The following DNAH12 variants were observed in gnomAD, a reference collection of about 807,000 sequenced individuals.
DNAH12 encodes dynein axonemal heavy chain 12.
Under a neutral mutation model 371.5 loss-of-function variants are expected in DNAH12, and 285 were observed. The observed-to-expected ratio is 0.77, with a 90% CI of 0.70 to 0.85. The LOEUF is 0.85. Ranked by LOEUF, DNAH12 falls within the 40% of genes least tolerant of loss-of-function variation. DNAH12 has a pLI of 0.00. For synonymous variants in DNAH12, 1,200 were observed against 1,213.0 expected (o/e 0.99, Z 0.22); for missense variants, 3,611 against 3,689.4 (o/e 0.98, Z 0.55).
In DNAH12 at chr3:57,470,443, C is replaced by A; in HGVS notation, c.2105G>T (p.Arg702Leu). 1.3e-6 allele frequency: 2 copies of A among 1,506,856 alleles called. No individual in the cohort carries two copies. Among genetic ancestry groups the A allele is most frequent in the South Asian group, 1.3e-5 (1 of 74,690 alleles). The allele number at this position is 1,506,856 out of a possible 1,614,324, so 93.3% of individuals were successfully genotyped here. The stretch of plus-strand genomic sequence containing the variant: ...TTTTTATTACATTACCAGCAATTAC[C>A]GTTTTTCTGATCGCTGCCACTTCAA... ...FVLKWQRSEK[R>L]WMDGGFLDLN... Residue 702 changes from arginine to leucine, a missense_variant and splice_region_variant, in exon 16 of 74, where the codon CGG (arginine) becomes CTG (leucine). By Grantham distance (102) the Arg-to-Leu change is moderately radical (BLOSUM62 -2). Coordinates refer to ENST00000495027, the MANE Select transcript of DNAH12 (RefSeq NM_001366028.2).
At chr3:57,551,465 G>T in the DNAH12 span, among the ~76,000 whole-genome samples, 10 of 151,460 alleles carry the variant, frequency 6.6e-5, no homozygotes, top group Non-Finnish European at 1.3e-4. Flanking sequence ...TAGAGACGGG[G>T]TTTCGCCGTG....
At chr3:57,458,767 T>C (rs2065972560) in intron 20 of DNAH12, among the ~76,000 whole-genome samples, 1 of 152,214 alleles carries the variant, frequency 6.6e-6, no homozygotes, top group Admixed American at 6.5e-5. Context: ...ACAGATTATC[T>C]CTGGCTGCTT....
At chr3:57,521,808 A>G (rs1406178229) in intron 4 of DNAH12, among the ~76,000 whole-genome samples, 1 of 151,922 alleles carries the variant, frequency 6.6e-6, no homozygotes, top group African/African-American at 2.4e-5. Context: ...AATCGCTTGA[A>G]CCCGGGAGAC....
chr3:57,487,321 G>C (rs1189091238), intron 12 of DNAH12, among the ~76,000 whole-genome samples: 1 of 102,022 alleles, frequency 9.8e-6, no homozygotes, highest in Non-Finnish European at 1.8e-5. Context: ...GAGAGAGAGA[G>C]AAAGGGAGGG....
chr3:57,367,138 G>A (rs2063068031), intron 56 of DNAH12, among the ~76,000 whole-genome samples: 1 of 152,096 alleles, frequency 6.6e-6, no homozygotes, highest in Admixed American at 6.6e-5. Flanking sequence ...CACCAGCCTG[G>A]CCAACATGGT....
At chr3:57,411,552 A>AAAAG (rs1321034212) in intron 39 of DNAH12, among the ~76,000 whole-genome samples, 128 of 68,438 alleles carry the variant, frequency 1.9e-3, no homozygotes, top group Admixed American at 7.2e-3. Flanking sequence ...AAAAAAAAAA[A>AAAAG]AAAGAAAGAA....
chr3:57,513,712 A>G (rs1431177110), intron 4 of DNAH12, among the ~76,000 whole-genome samples: 1 of 152,216 alleles, frequency 6.6e-6, no homozygotes, highest in Non-Finnish European at 1.5e-5. Flanking sequence ...GTATAATCTT[A>G]TTCATAATTA....
At chr3:57,378,206 G>C (rs1326859860) in intron 52 of DNAH12, among the ~76,000 whole-genome samples, 1 of 152,076 alleles carries the variant, frequency 6.6e-6, no homozygotes, top group Non-Finnish European at 1.5e-5. Context: ...GAGTTATAGA[G>C]TGGGAAGGCA....
intron 64 of DNAH12, 65 bp downstream of exon 64, chr3:57,322,942 C>G: frequency 6.6e-7 from 1 of 1,508,210 alleles, no homozygotes; most frequent in South Asian, 1.3e-5. Flanking sequence ...AACAAACAAA[C>G]AAAACAAATA....
chr3:57,329,260 C>T (rs1438051092), intron 62 of DNAH12, among the ~76,000 whole-genome samples: 109 of 138,764 alleles, frequency 7.9e-4, no homozygotes, highest in Middle Eastern at 7.2e-3. Context: ...CCAAGTCAAT[C>T]CTAAGCCAAA....
intron 36 of DNAH12, among the ~76,000 whole-genome samples, chr3:57,420,623 T>C (rs2064541482): frequency 6.8e-6 from 1 of 147,908 alleles, no homozygotes; most frequent in Non-Finnish European, 1.5e-5. Context: ...AAGAATATGC[T>C]TGTGGGCCGG....
In DNAH12 at chr3:57,333,660, A is replaced by G. The variant is rs546724019; in HGVS notation, c.9978+805T>C. ...TACTCTTTTTAAAAATATAAAAAAC[A>G]TTCTTAGTTCATGGGATGGACCAAA... is the stretch of plus-strand genomic sequence containing the variant. On this transcript the variant is annotated intron_variant, in intron 62 of 73. Coordinates refer to ENST00000495027, the MANE Select transcript of DNAH12 (RefSeq NM_001366028.2). 3.7e-4 allele frequency among the ~76,000 whole-genome samples: 56 copies of G among 152,276 alleles called. No homozygotes were observed. The Middle Eastern group carries it at 0.01, about 28-fold the overall frequency.
At position 57,429,105 on chromosome 3, in the gene DNAH12, A is replaced by G. The variant is rs191023015; in HGVS notation, c.5065-284T>C. ...GAAGTCTTACATCTTCCTCAAAATC[A>G]GATCAAACACTCAGTTACCTTCCAT... On this transcript the variant is annotated intron_variant, in intron 33 of 73. Coordinates refer to ENST00000495027, the MANE Select transcript of DNAH12 (RefSeq NM_001366028.2). Among the ~76,000 whole-genome samples, 1,056 of 152,228 alleles carry G rather than the reference A, an allele frequency of 6.9e-3. 11 individuals are homozygous for G. Among genetic ancestry groups the G allele is most frequent in the Non-Finnish European group, 7.7e-3 (521 of 68,016 alleles).
intron 62 of DNAH12, among the ~76,000 whole-genome samples, chr3:57,331,137 G>A (rs760719197): frequency 5.9e-5 from 9 of 152,166 alleles, no homozygotes; most frequent in African/African-American, 9.7e-5. Context: ...AGTCTAGTGG[G>A]AGACCCTAAA....
chr3:57,483,174 G>A (rs145449030), intron 13 of DNAH12, among the ~76,000 whole-genome samples: 1 of 152,040 alleles, frequency 6.6e-6, no homozygotes, highest in Non-Finnish European at 1.5e-5. Flanking sequence ...AGAGGACAGG[G>A]GAGAAGGAGA....
At chr3:57,486,515 T>C (rs2066928456) in intron 12 of DNAH12, among the ~76,000 whole-genome samples, 1 of 152,132 alleles carries the variant, frequency 6.6e-6, no homozygotes, top group African/African-American at 2.4e-5. Flanking sequence ...AGGTAAATGA[T>C]TTTTTAGTTC....
chr3:57,391,176 T>G (rs976637353), intron 45 of DNAH12, among the ~76,000 whole-genome samples: 2 of 152,206 alleles, frequency 1.3e-5, no homozygotes, highest in Admixed American at 6.5e-5. Flanking sequence ...TGTTTTTACA[T>G]GCATTCAACA....
At position 57,293,905 on chromosome 3, in the gene DNAH12, T is replaced by C. The variant is rs942417939; in HGVS notation, c.11759A>G (p.Lys3920Arg). The change falls in exon 74 of 74, where the codon AAA becomes AGA. Residue 3920 changes from lysine (K) to arginine (R), a missense_variant. Transcript: ENST00000495027. ...VCPLYKTSERKGTLSTTGHST... is the reference protein window; with the variant it reads ...VCPLYKTSERRGTLSTTGHST... ...ATGTCCCGTAGTGGAAAGAGTTCCT[T>C]TACGTTCACTTGTCTTGTAGAGGGG... The C allele has an allele frequency of 1.2e-5, 18 of 1,543,478 alleles. No individual in the cohort carries two copies. The highest frequency in any genetic ancestry group is 3.4e-4 in the Middle Eastern group (2 of 5,958).
chr3:57,395,674 G>A (rs1297673458), intron 43 of DNAH12, among the ~76,000 whole-genome samples: 3 of 152,124 alleles, frequency 2.0e-5, no homozygotes, highest in African/African-American at 4.8e-5. Context: ...GCTGGGTGCA[G>A]TGGCTCACCC....
Sources: allele counts gnomAD v4.1 joint callset (sites outside exome capture counted in the v4.1 genomes callset), GRCh38; gene constraint gnomAD v4.1.1; transcripts MANE v1.5; gene names NCBI Gene and HGNC (gene_info 2026-07-23, HGNC 2026-07-21).